Variants in ELP4 observed in about 807,000 individuals in gnomAD.
ELP4 encodes the protein elongator complex protein 4.
ELP4 carries 51 observed loss-of-function variants against 48.9 expected under a neutral mutation model. That is an observed-to-expected ratio of 1.04 (90% CI 0.83 to 1.32). The LOEUF is 1.32. Ranked by LOEUF, ELP4 falls within the 40% of genes most tolerant of loss-of-function variation. The pLI is 0.00. For missense variants in ELP4, 519 were observed against 514.6 expected (o/e 1.01, Z -0.08); for synonymous variants, 210 against 189.2 (o/e 1.11, Z -0.90).
At chr11:31,544,143 T>C (rs1368171064) in intron 3 of ELP4, among the ~76,000 whole-genome samples, 1 of 152,160 alleles carries the variant, frequency 6.6e-6, no homozygotes, top group Non-Finnish European at 1.5e-5. Flanking sequence ...TGCCAGACAG[T>C]GGGCGCAGGT....
intron 9 of ELP4, among the ~76,000 whole-genome samples, chr11:31,670,971 T>TA (rs534221666): frequency 2.6e-5 from 4 of 151,684 alleles, no homozygotes; most frequent in Admixed American, 6.6e-5. Context: ...TAGGAAACAT[T>TA]AAAAAAAAGT....
chr11:31,544,148 G>A (rs1306622147), intron 3 of ELP4, among the ~76,000 whole-genome samples: 13 of 152,242 alleles, frequency 8.5e-5, no homozygotes, highest in African/African-American at 2.2e-4. Context: ...GACAGTGGGC[G>A]CAGGTCAGTG....
chr11:31,642,597 G>C lies in ELP4; in HGVS notation c.928-5144G>C, dbSNP rs1336645416. ...TGTGAATATTACTATATGATGCTAG[G>C]CAGATAATGTTACATTTAGAATTTT... On this transcript the variant is annotated intron_variant, in intron 7 of 9. Transcript: ENST00000640961. Among the ~76,000 whole-genome samples, 4 of 151,876 alleles carry C rather than the reference G, an allele frequency of 2.6e-5. No homozygotes were observed. The East Asian group carries it at 7.8e-4, about 30-fold the overall frequency.
Position 31,594,873 on chromosome 11 carries a change from G to C in ELP4, c.485G>C (p.Trp162Ser). The C allele has an allele frequency of 1.3e-6, 2 of 1,560,658 alleles. No individual in the cohort carries two copies. Among genetic ancestry groups the C allele is most frequent in the Non-Finnish European group, 1.7e-6 (2 of 1,161,740 alleles). The change falls in exon 4 of 10, where the codon TGG (tryptophan) becomes TCG (serine). Residue 162 changes from tryptophan (W) to serine (S), a missense_variant. By Grantham distance (177) the Trp-to-Ser change is radical. Coordinates refer to ENST00000640961, the MANE Select transcript of ELP4 (RefSeq NM_019040.5). Reference protein sequence around the residue: ...PESNIKMKIAWRYQLLPKMEI... With the variant: ...PESNIKMKIASRYQLLPKMEI... ...TCTAATATTAAGATGAAAATAGCTT[G>C]GCGTTACCAGTTATTACCCAAGATG...
In ELP4 at chr11:31,790,059, T is replaced by A. The variant is rs751917532; in HGVS notation, c.*6535T>A. ...AAGAAATAGCCATGTAGATATTCCC[T>A]TTGAGAAACAGACATGGAATACAAA... On this transcript the variant is annotated 3_prime_UTR_variant, in exon 10 of 10. Transcript: ENST00000640961. 1 of 1,060,198 alleles carries A rather than the reference T, an allele frequency of 9.4e-7. No homozygotes were observed. The highest frequency in any genetic ancestry group is 1.4e-6 in the Non-Finnish European group (1 of 708,020). The allele number at this position is 1,060,198 out of a possible 1,614,324, so 65.7% of individuals were successfully genotyped here.
intron 3 of ELP4, among the ~76,000 whole-genome samples, chr11:31,548,242 GTC>G (rs1470614381): frequency 2.0e-5 from 3 of 152,156 alleles, no homozygotes; most frequent in African/African-American, 4.8e-5. Context: ...AAATCCCATT[GTC>G]TCAGCCCAAA....
intron 5 of ELP4, among the ~76,000 whole-genome samples, chr11:31,611,844 A>G (rs1015253357): frequency 3.3e-5 from 5 of 152,354 alleles, no homozygotes; most frequent in East Asian, 3.9e-4. Context: ...AACATTTTCT[A>G]TGGCAGAAGC....
At chr11:31,532,637 T>A (rs60441384) in intron 2 of ELP4, among the ~76,000 whole-genome samples, 2,006 of 152,268 alleles carry the variant, frequency 0.013, 44 homozygotes, top group African/African-American at 0.043. Context: ...GTTTTAATTC[T>A]TCTAATTAAA....
intron 9 of ELP4, among the ~76,000 whole-genome samples, chr11:31,730,397 C>A (rs1383976556): frequency 2.0e-5 from 3 of 152,132 alleles, no homozygotes; most frequent in Admixed American, 6.5e-5. Context: ...AAAGGCAAGC[C>A]TTCATGACTT....
intron 9 of ELP4, among the ~76,000 whole-genome samples, chr11:31,668,680 G>A (rs879884615): frequency 0.014 from 1,755 of 128,828 alleles, 79 homozygotes; most frequent in Non-Finnish European, 0.02. Flanking sequence ...GGTACCGTGT[G>A]TGTGTGTGTG....
At chr11:31,523,011 C>T (rs888647221) in intron 2 of ELP4, among the ~76,000 whole-genome samples, 3 of 151,694 alleles carry the variant, frequency 2.0e-5, no homozygotes, top group Admixed American at 2.0e-4. Flanking sequence ...ACTCACACCA[C>T]CATGCCCTGC....
At chr11:31,616,485 T>A (rs927681365) in intron 5 of ELP4, among the ~76,000 whole-genome samples, 4 of 151,978 alleles carry the variant, frequency 2.6e-5, no homozygotes, top group Non-Finnish European at 5.9e-5. Context: ...GAAGAAAACA[T>A]AGGGGAAACA....
At chr11:31,539,857 A>G in intron 3 of ELP4, 74 bp downstream of exon 3, 2 of 1,313,946 alleles carry the variant, frequency 1.5e-6, no homozygotes, top group Non-Finnish European at 2.0e-6. Context: ...TGTAAACAAG[A>G]TATATGTTTG....
At chr11:31,634,963 A>G (rs1217500013) in intron 7 of ELP4, among the ~76,000 whole-genome samples, 1 of 151,974 alleles carries the variant, frequency 6.6e-6, no homozygotes, top group South Asian at 2.1e-4. Context: ...ACGATTTTGC[A>G]AAGTTATCAT....
chr11:31,637,235 G>A (rs1196888238), intron 7 of ELP4: 2 of 151,738 alleles, frequency 1.3e-5, no homozygotes, highest in East Asian at 2.0e-4. Context: ...AGGATGGCAA[G>A]ATGAGAGGAC....
intron 3 of ELP4, among the ~76,000 whole-genome samples, chr11:31,564,439 TTACATACATA>T (rs1309912255): frequency 6.6e-6 from 1 of 152,050 alleles, no homozygotes; most frequent in Admixed American, 6.6e-5. Context: ...TGCAGGTTTG[TTACATACATA>T]TACATGTGCC....
At chr11:31,721,607 A>G (rs534005544) in intron 9 of ELP4, among the ~76,000 whole-genome samples, 2 of 152,162 alleles carry the variant, frequency 1.3e-5, no homozygotes, top group South Asian at 2.1e-4. Flanking sequence ...CATTCAGCAC[A>G]CTTCTGAAGC....
chr11:31,772,123 T>C (rs113638842), intron 9 of ELP4, among the ~76,000 whole-genome samples: 82 of 147,852 alleles, frequency 5.5e-4, no homozygotes, highest in Non-Finnish European at 9.4e-4. Context: ...TTTTCTTCTT[T>C]TTTTTTTTTT....
intron 9 of ELP4, among the ~76,000 whole-genome samples, chr11:31,725,852 T>C (rs1157399649): frequency 6.6e-6 from 1 of 152,168 alleles, no homozygotes; most frequent in African/African-American, 2.4e-5. Context: ...GATGGGTCCA[T>C]CCTGTAAGCA....
Sources: gnomAD v4.1 joint callset for allele counts (sites outside exome capture counted in the v4.1 genomes callset) on GRCh38, gnomAD v4.1.1 for gene constraint, MANE v1.5 for transcripts, NCBI Gene and HGNC (gene_info 2026-07-23, HGNC 2026-07-21) for gene names.